Variants in RBM33 observed in about 807,000 individuals in gnomAD.
The protein encoded by RBM33 is RNA binding motif protein 33.
RBM33 carries 28 observed loss-of-function variants against 132.6 expected under a neutral mutation model. The observed-to-expected ratio is 0.21, with a 90% CI of 0.16 to 0.29. The LOEUF (loss-of-function observed/expected upper bound fraction) is 0.29, where lower values mean the gene tolerates loss of function less well. Among genes scored for constraint, RBM33 ranks in the 10% least tolerant of loss-of-function variants. The pLI is 1.00. For synonymous variants in RBM33, 634 were observed against 593.0 expected (o/e 1.07, Z -1.01); for missense variants, 1,291 against 1,518.5 (o/e 0.85, Z 2.49).
intron 8 of RBM33, among the ~76,000 whole-genome samples, chr7:155,713,086 A>T (rs910626245): frequency 1.3e-5 from 2 of 152,020 alleles, no homozygotes; most frequent in East Asian, 3.9e-4. Context: ...GATGGATTGG[A>T]TGAGTGTGAG....
At chr7:155,749,005 G>GA (rs1801611305) in intron 14 of RBM33, among the ~76,000 whole-genome samples, 2 of 152,184 alleles carry the variant, frequency 1.3e-5, no homozygotes, top group African/African-American at 4.8e-5. Context: ...CTCTAGGACT[G>GA]AGAGCTCACC....
At chr7:155,737,931 T>C in intron 10 of RBM33, 129 bp from the exon 11 acceptor site, 1 of 901,964 alleles carries the variant, frequency 1.1e-6, no homozygotes, top group Non-Finnish European at 1.7e-6. Context: ...AATCTGGAAT[T>C]GTTTCCAACA....
Position 155,703,033 on chromosome 7 carries a change from T to C in RBM33, c.739+2089T>C, listed in dbSNP as rs931508748. 5.2e-4 allele frequency among the ~76,000 whole-genome samples: 79 copies of C among 152,280 alleles called. 1 individual carries two copies. Among genetic ancestry groups the C allele is most frequent in the African/African-American group, 1.8e-3 (75 of 41,554 alleles). Reference sequence around the variant, plus strand: ...CCTGCCCTGATTTGTGGTGCCTCTCTGCCTTTCCCACCTCCCTGGTTTCCA... The same window carrying C: ...CCTGCCCTGATTTGTGGTGCCTCTCCGCCTTTCCCACCTCCCTGGTTTCCA... On this transcript the variant is annotated intron_variant, in intron 6 of 17. Transcript: ENST00000401878.
intron 3 of RBM33, among the ~76,000 whole-genome samples, chr7:155,675,130 A>G (rs1308928428): frequency 6.6e-6 from 1 of 151,942 alleles, no homozygotes; most frequent in Non-Finnish European, 1.5e-5. Context: ...AACATGGTGA[A>G]ACCCCGTCTC....
chr7:155,753,823 C>T (rs1801762011), intron 14 of RBM33, among the ~76,000 whole-genome samples: 1 of 152,198 alleles, frequency 6.6e-6, no homozygotes, highest in African/African-American at 2.4e-5. Context: ...TGGAGTTTGA[C>T]CTCATTTGTT....
chr7:155,682,031 C>T (rs1799351162), intron 5 of RBM33, among the ~76,000 whole-genome samples: 1 of 152,044 alleles, frequency 6.6e-6, no homozygotes, highest in Non-Finnish European at 1.5e-5. Flanking sequence ...AACAATTCTC[C>T]TGCCTCAGCC....
chr7:155,729,477 C>T (rs1321542105), intron 9 of RBM33, among the ~76,000 whole-genome samples: 2 of 152,174 alleles, frequency 1.3e-5, no homozygotes, highest in East Asian at 3.9e-4. Context: ...TGACTCACAC[C>T]TGTAAACCCA....
chr7:155,708,127 A>G (rs576610189), intron 7 of RBM33, among the ~76,000 whole-genome samples: 66 of 152,360 alleles, frequency 4.3e-4, no homozygotes, highest in Non-Finnish European at 7.9e-4. Flanking sequence ...TTGAAATATT[A>G]TATTTCAGGA....
intron 8 of RBM33, among the ~76,000 whole-genome samples, chr7:155,712,080 G>T (rs1466343231): frequency 6.6e-6 from 1 of 152,198 alleles, no homozygotes; most frequent in Non-Finnish European, 1.5e-5. Context: ...TGAATGCAAA[G>T]AATACACTAG....
intron 3 of RBM33, among the ~76,000 whole-genome samples, chr7:155,673,403 T>TGTGGGG (rs1491334500): frequency 9.0e-3 from 32 of 3,560 alleles, no homozygotes; most frequent in African/African-American, 0.028. Flanking sequence ...TTATATATAT[T>TGTGGGG]GTGTGTGTGT....
intron 16 of RBM33, chr7:155,766,910 C>A: frequency 2.0e-6 from 1 of 501,474 alleles, no homozygotes; most frequent in Non-Finnish European, 3.5e-6. Flanking sequence ...CCTTTGAGAT[C>A]CTTTTAATTG....
In RBM33 at chr7:155,685,094, T is replaced by G. The variant is rs757761606; in HGVS notation, c.567+4186T>G. 118 of 1,539,498 alleles carry G rather than the reference T, an allele frequency of 7.7e-5. 1 individual carries two copies. The South Asian group carries it at 1.4e-3, about 18-fold the overall frequency. On this transcript the variant is annotated intron_variant, in intron 5 of 17. Transcript: ENST00000401878. ...TAAAAAGAGTAAAAAGTTTGCTGTTTCCCTCCCCCAGACTTAAAATGAGCA... is the reference window on the plus strand; with the variant it reads ...TAAAAAGAGTAAAAAGTTTGCTGTTGCCCTCCCCCAGACTTAAAATGAGCA...
chr7:155,775,299 T>C lies in RBM33; in HGVS notation c.*258T>C, dbSNP rs1802570373. ...AAGAACTCCAAGTTTTTCGTTTTGT[T>C]TTGTTTTCAAAGTGCTTACAATGCA... On this transcript the variant is annotated 3_prime_UTR_variant, in exon 18 of 18. Coordinates refer to ENST00000401878, the MANE Select transcript of RBM33 (RefSeq NM_053043.3). 2 of 606,956 alleles carry C rather than the reference T, an allele frequency of 3.3e-6. No homozygotes were observed. The highest frequency in any genetic ancestry group is 3.7e-5 in the African/African-American group (2 of 54,124). The allele number at this position is 606,956 out of a possible 1,614,324, so 37.6% of individuals were successfully genotyped here.
intron 8 of RBM33, among the ~76,000 whole-genome samples, chr7:155,716,377 A>G (rs1352426521): frequency 1.4e-5 from 2 of 139,806 alleles, no homozygotes; most frequent in African/African-American, 5.4e-5. Context: ...CCAGCTCATC[A>G]GAGGCTTCTG....
At chr7:155,694,952 T>A (rs192046853) in intron 5 of RBM33, among the ~76,000 whole-genome samples, 122 of 152,274 alleles carry the variant, frequency 8.0e-4, no homozygotes, top group African/African-American at 2.9e-3. Context: ...TAGAGGTATG[T>A]TTACTTTTAT....
intron 14 of RBM33, among the ~76,000 whole-genome samples, chr7:155,762,999 AC>A (rs1802086784): frequency 6.6e-6 from 1 of 152,220 alleles, no homozygotes; most frequent in Non-Finnish European, 1.5e-5. Flanking sequence ...GATAGGCACC[AC>A]CCTAAGACAT....
At chr7:155,735,141 A>G (rs571501461) in intron 9 of RBM33, among the ~76,000 whole-genome samples, 14 of 152,360 alleles carry the variant, frequency 9.2e-5, no homozygotes, top group African/African-American at 3.1e-4. Flanking sequence ...TGCTAATGCT[A>G]TACTTTATAA....
chr7:155,647,372 A>G (rs572377041), intron 1 of RBM33, among the ~76,000 whole-genome samples: 4 of 152,316 alleles, frequency 2.6e-5, no homozygotes, highest in East Asian at 1.9e-4. Flanking sequence ...GGTCTTGGCT[A>G]TCCACAATCT....
At chr7:155,736,768 A>G (rs2117022335) in intron 9 of RBM33, among the ~76,000 whole-genome samples, 1 of 152,380 alleles carries the variant, frequency 6.6e-6, no homozygotes, top group South Asian at 2.1e-4. Flanking sequence ...TAAATAGCAA[A>G]GATGAGCATC....
Sources: allele counts gnomAD v4.1 joint callset (sites outside exome capture counted in the v4.1 genomes callset), GRCh38; gene constraint gnomAD v4.1.1; transcripts MANE v1.5; gene names NCBI Gene and HGNC (gene_info 2026-07-23, HGNC 2026-07-21).